The following LPA variants were observed in gnomAD, a reference collection of about 807,000 sequenced individuals.
LPA encodes the protein apolipoprotein(a).
In LPA, 199 loss-of-function variants were observed where a neutral mutation model predicts 197.9. That is an observed-to-expected ratio of 1.01 (90% CI 0.90 to 1.13). The LOEUF is 1.13. Among genes scored for constraint, LPA ranks in the 50% most tolerant of loss-of-function variants. The pLI is 0.00. For missense variants in LPA, 1,853 were observed against 1,785.8 expected, an observed-to-expected ratio of 1.04 and a Z score of -0.68; for synonymous variants, 715 against 639.5, an observed-to-expected ratio of 1.12 and a Z score of -1.78.
chr6:160,592,307 A>G (rs1442924821), intron 22 of LPA, among the ~76,000 whole-genome samples: 2 of 152,208 alleles, frequency 1.3e-5, no homozygotes, highest in Non-Finnish European at 1.5e-5. Flanking sequence ...TTTTCCTACC[A>G]TAATATCTAA....
chr6:160,577,332 G>T (rs746134963), intron 27 of LPA, 37 bp from the exon 28 acceptor site: 3 of 1,597,022 alleles, frequency 1.9e-6, no homozygotes, highest in Admixed American at 1.7e-5. Context: ...CTCAGTAATT[G>T]CATGAGCAGA....
intron 1 of LPA, among the ~76,000 whole-genome samples, chr6:160,653,015 T>C (rs1288908240): frequency 6.6e-6 from 1 of 152,138 alleles, no homozygotes; most frequent in African/African-American, 2.4e-5. Context: ...ACCAACTTAA[T>C]GGTAGATTTA....
chr6:160,657,033 A>C (rs1440983631), intron 1 of LPA, among the ~76,000 whole-genome samples: 1 of 152,212 alleles, frequency 6.6e-6, no homozygotes, highest in African/African-American at 2.4e-5. Context: ...TTGATGGTTC[A>C]GTGCCAACAC....
chr6:160,582,932 G>C (rs1410676612), intron 26 of LPA, among the ~76,000 whole-genome samples: 1 of 152,014 alleles, frequency 6.6e-6, no homozygotes, highest in Non-Finnish European at 1.5e-5. Context: ...ATATTTTCTA[G>C]TTAGCTTTAT....
intron 26 of LPA, among the ~76,000 whole-genome samples, chr6:160,584,196 T>TCTTCTA (rs1778853619): frequency 9.1e-6 from 1 of 109,514 alleles, no homozygotes; most frequent in African/African-American, 3.7e-5. Flanking sequence ...TTCTTCTTCT[T>TCTTCTA]CTTCTTCTTC....
In LPA at chr6:160,599,518, G is replaced by C. The variant is rs777593580; in HGVS notation, c.3269C>G (p.Pro1090Arg). The change falls in exon 20 of 39, where the codon CCA becomes CGA. Residue 1090 changes from proline to arginine, a missense_variant. Physicochemically the swap from Pro to Arg is moderately radical, Grantham distance 103 (BLOSUM62 -2). Coordinates refer to ENST00000316300, the MANE Select transcript of LPA (RefSeq NM_005577.4). ...SMTPHQHSRT[P>R]ENYPNAGLTR... ...GACGTACGCATTTGGGTAGTTTTCT[G>C]GGGTCCGACTATGCTGGTGTGGTGT... 6.4e-5 allele frequency: 104 copies of C among 1,613,784 alleles called. No individual in the cohort carries two copies. The highest frequency in any genetic ancestry group is 5.3e-4 in the Admixed American group (32 of 59,990).
intron 26 of LPA, among the ~76,000 whole-genome samples, chr6:160,584,596 T>C (rs1778872132): frequency 6.6e-6 from 1 of 152,126 alleles, no homozygotes; most frequent in Non-Finnish European, 1.5e-5. Flanking sequence ...CCTCCCAAAG[T>C]GTTGGGATCA....
chr6:160,649,758 C>T (rs1297573735), intron 2 of LPA, among the ~76,000 whole-genome samples: 2 of 152,122 alleles, frequency 1.3e-5, no homozygotes, highest in African/African-American at 2.4e-5. Context: ...TCTATCTTCC[C>T]GCACTTTTTA....
chr6:160,597,222 G>T (rs960374280), intron 20 of LPA, among the ~76,000 whole-genome samples: 1 of 152,264 alleles, frequency 6.6e-6, no homozygotes, highest in East Asian at 1.9e-4. Context: ...CTGCATATTT[G>T]TTCTAGCCTG....
intron 33 of LPA, among the ~76,000 whole-genome samples, chr6:160,543,706 A>G (rs2115000370): frequency 6.6e-6 from 1 of 152,350 alleles, no homozygotes; most frequent in Non-Finnish European, 1.5e-5. Context: ...AAGAGTAACT[A>G]CAGAAATTAT....
chr6:160,568,641 A>G (rs1778506503), intron 28 of LPA, among the ~76,000 whole-genome samples: 1 of 152,240 alleles, frequency 6.6e-6, no homozygotes, highest in Non-Finnish European at 1.5e-5. Context: ...GGCCAGGGCA[A>G]TTAGGCAGGA....
intron 28 of LPA, among the ~76,000 whole-genome samples, chr6:160,570,319 C>A (rs1778540092): frequency 6.6e-6 from 1 of 152,108 alleles, no homozygotes; most frequent in Admixed American, 6.6e-5. Context: ...AGAAGGATGA[C>A]TTCATGTCCT....
chr6:160,584,492 C>T (rs566171091), intron 26 of LPA, among the ~76,000 whole-genome samples: 34 of 151,682 alleles, frequency 2.2e-4, no homozygotes, highest in African/African-American at 6.8e-4. Flanking sequence ...CCACCATGAC[C>T]GGCTAATTTT....
intron 30 of LPA, among the ~76,000 whole-genome samples, chr6:160,552,244 A>G (rs772072820): frequency 6.6e-5 from 10 of 152,078 alleles, no homozygotes; most frequent in Non-Finnish European, 1.2e-4. Flanking sequence ...GTACTTTTAT[A>G]AGTCTTTATA....
chr6:160,553,954 T>TGTGTGTGTGTGTGTGTGTGTGTGTGC (rs771903485), intron 30 of LPA, among the ~76,000 whole-genome samples: 1,444 of 130,674 alleles, frequency 0.011, 16 homozygotes, highest in Non-Finnish European at 0.016. Context: ...TGTGTGTGTG[T>TGTGTGTGTGTGTGTGTGTGTGTGTGC]GCGCGCGCGC....
At chr6:160,550,614 TCA>T (rs1483549597) in intron 30 of LPA, among the ~76,000 whole-genome samples, 1 of 152,200 alleles carries the variant, frequency 6.6e-6, no homozygotes. Flanking sequence ...CTTGTGTAAC[TCA>T]CACTTCAATC....
intron 1 of LPA, among the ~76,000 whole-genome samples, chr6:160,663,403 T>C (rs1386534685): frequency 6.6e-6 from 1 of 152,202 alleles, no homozygotes; most frequent in Non-Finnish European, 1.5e-5. Flanking sequence ...AATAACATGA[T>C]TTTCCTAAGT....
intron 26 of LPA, among the ~76,000 whole-genome samples, chr6:160,583,697 G>A (rs1778842307): frequency 6.6e-6 from 1 of 152,058 alleles, no homozygotes; most frequent in South Asian, 2.1e-4. Context: ...GTGTATTCCT[G>A]GAGCTCCTTT....
chr6:160,599,761 A>C (rs991378792), intron 19 of LPA, 102 bp from the exon 20 acceptor site: 2 of 1,298,380 alleles, frequency 1.5e-6, no homozygotes, highest in Non-Finnish European at 2.2e-6. Flanking sequence ...TGAGATTTAC[A>C]ACCATTCTCT....
Sources: allele counts gnomAD v4.1 joint callset (sites outside exome capture counted in the v4.1 genomes callset), GRCh38; gene constraint gnomAD v4.1.1; transcripts MANE v1.5; gene names NCBI Gene and HGNC (gene_info 2026-07-23, HGNC 2026-07-21).